Variants in BRCA2 observed in about 807,000 individuals in gnomAD.
BRCA2 encodes the protein breast cancer type 2 susceptibility protein.
A neutral mutation model predicts 276.7 loss-of-function variants in BRCA2; 203 were observed. That is an observed-to-expected ratio of 0.73 (90% CI 0.65 to 0.82). The LOEUF (loss-of-function observed/expected upper bound fraction) is 0.82. Ranked by LOEUF, BRCA2 falls within the 40% of genes least tolerant of loss-of-function variation. The pLI, the probability that BRCA2 is intolerant of heterozygous loss-of-function variation, is 0.00. For synonymous variants in BRCA2, 1,289 were observed against 1,338.4 expected, an observed-to-expected ratio of 0.96 and a Z score of 0.81; for missense variants, 3,920 against 3,915.0, an observed-to-expected ratio of 1.00 and a Z score of -0.03.
chr13:32,358,461 A>T (rs571883397), intron 16 of BRCA2, among the ~76,000 whole-genome samples: 14 of 142,692 alleles, frequency 9.8e-5, no homozygotes, highest in African/African-American at 3.7e-4. Context: ...GGGCGATAAG[A>T]GTGAGACTCC....
intron 24 of BRCA2, among the ~76,000 whole-genome samples, chr13:32,381,402 G>C (rs2072923574): frequency 6.6e-6 from 1 of 152,138 alleles, no homozygotes; most frequent in Non-Finnish European, 1.5e-5. Flanking sequence ...AAGAGAGAGG[G>C]ATGTAATTTT....
Position 32,333,249 on chromosome 13 carries a change from A to C in BRCA2, c.1771A>C (p.Ile591Leu), listed in dbSNP as rs786203548. The C allele has an allele frequency of 6.2e-7, 1 of 1,611,966 alleles. No individual in the cohort carries two copies. The highest frequency in any genetic ancestry group is 1.1e-5 in the South Asian group (1 of 90,704). ...STLKKKTNKF[I>L]YAIHDETSYK... ...TTTGAAAAAGAAAACAAATAAGTTT[A>C]TTTATGCTATACATGATGAAACATC... is the stretch of plus-strand genomic sequence containing the variant. The change falls in exon 10 of 27, where the codon ATT becomes CTT. Residue 591 changes from isoleucine to leucine, a missense_variant. By Grantham distance (5) the Ile-to-Leu change is conservative. Transcript: ENST00000380152.
rs200067487 is a variant in BRCA2, at chr13:32,379,563, A to T, written c.8953+48A>T. ...TTTATCAGTTTTATTAACTTAAAAA[A>T]TGACCTTACTAACAAAATGATTATA... On this transcript the variant is annotated intron_variant, in intron 22 of 26. Transcript: ENST00000380152. 3.2e-6 allele frequency: 5 copies of T among 1,586,952 alleles called. No individual in the cohort carries two copies. In the East Asian group the frequency reaches 1.1e-4, roughly 36 times the overall value.
chr13:32,344,203 A>G (rs1268624730), intron 11 of BRCA2, among the ~76,000 whole-genome samples: 31 of 150,766 alleles, frequency 2.1e-4, no homozygotes, highest in Non-Finnish European at 1.5e-5. Context: ...AGTTTATTTG[A>G]AGAAATTTTG....
chr13:32,366,870 A>AC (rs929528962), intron 18 of BRCA2, among the ~76,000 whole-genome samples: 1 of 45,416 alleles, frequency 2.2e-5, no homozygotes, highest in African/African-American at 6.2e-5. Context: ...AAAAAGAACA[A>AC]AAAAAAAAAA....
chr13:32,373,827 C>T (rs1013277952), intron 20 of BRCA2, among the ~76,000 whole-genome samples: 6 of 152,248 alleles, frequency 3.9e-5, no homozygotes, highest in African/African-American at 1.4e-4. Context: ...GCTCCAACCC[C>T]GTATTTCCCT....
rs80359272 is a variant in BRCA2, at chr13:32,332,734, GT to G, written c.1257del (p.Cys419TrpfsTer11). On this transcript the variant is annotated frameshift_variant, in exon 10 of 27. Coordinates refer to ENST00000380152, the MANE Select transcript of BRCA2 (RefSeq NM_000059.4). LOFTEE classifies it high-confidence loss of function. Reference protein sequence around the residue: ...EKIPLLHISSCDQNISEKDLL... With the variant: ...EKIPLLHISSXDQNISEKDLL... ...ATACCCCTATTGCATATTTCTTCAT[GT>G]GACCAAAATATTTCAGAAAAAGACC... The G allele has an allele frequency of 2.5e-6, 4 of 1,611,548 alleles. No individual in the cohort carries two copies. The highest frequency in any genetic ancestry group is 3.4e-6 in the Non-Finnish European group (4 of 1,179,318).
In BRCA2 at chr13:32,333,078, G is replaced by A. The variant is rs276174810; in HGVS notation, c.1600G>A (p.Glu534Lys). 6 of 1,611,696 alleles carry A rather than the reference G, an allele frequency of 3.7e-6. No homozygotes were observed. The East Asian group carries it at 1.3e-4, about 36-fold the overall frequency. Residue 534 changes from glutamate to lysine, a missense_variant, in exon 10 of 27, where the codon GAA becomes AAA. Transcript: ENST00000380152. ...TGATCCAAACTTTAAAAAAGAAACT[G>A]AAGCCTCTGAAAGTGGACTGGAAAT... ...MTDPNFKKET[E>K]ASESGLEIHT...
In BRCA2 at chr13:32,340,590, G is replaced by C. The variant is rs886037812; in HGVS notation, c.6235G>C (p.Val2079Leu). The C allele has an allele frequency of 6.2e-7, 1 of 1,608,914 alleles. No individual in the cohort carries two copies. The highest frequency in any genetic ancestry group is 1.3e-5 in the African/African-American group (1 of 74,670). Reference protein sequence around the residue: ...LESSLHKVKGVLEEFDLIRTE... With the variant: ...LESSLHKVKGLLEEFDLIRTE... The stretch of plus-strand genomic sequence containing the variant: ...AAGTTCCTTACACAAAGTTAAGGGA[G>C]TGTTAGAGGAATTTGATTTAATCAG... Residue 2079 changes from valine to leucine, a missense_variant, in exon 11 of 27, where the codon GTG (valine) becomes CTG (leucine). Around this residue, in one of 2 missense-constraint regions of BRCA2, gnomAD observed 3,263 missense variants for 3,156.9 expected, o/e 1.03. Coordinates refer to ENST00000380152, the MANE Select transcript of BRCA2 (RefSeq NM_000059.4).
At position 32,332,380 on chromosome 13, in the gene BRCA2, A is replaced by C; in HGVS notation, c.902A>C (p.Asp301Ala). 2 of 1,593,878 alleles carry C rather than the reference A, an allele frequency of 1.3e-6. No individual in the cohort carries two copies. Among genetic ancestry groups the C allele is most frequent in the Non-Finnish European group, 1.7e-6 (2 of 1,169,702 alleles). ...LEDEVYETVVDTSEEDSFSLC... is the reference protein window; with the variant it reads ...LEDEVYETVVATSEEDSFSLC... ...GATGAAGTATATGAAACAGTTGTAG[A>C]TACCTCTGAAGAAGATAGTTTTTCA... is the stretch of plus-strand genomic sequence containing the variant. Residue 301 changes from aspartate to alanine, a missense_variant, in exon 10 of 27, where the codon GAT becomes GCT. Around this residue, in one of 2 missense-constraint regions of BRCA2, gnomAD observed 3,263 missense variants for 3,156.9 expected, o/e 1.03. Coordinates refer to ENST00000380152, the MANE Select transcript of BRCA2 (RefSeq NM_000059.4).
At chr13:32,320,497 C>G (rs2072299451) in intron 3 of BRCA2, among the ~76,000 whole-genome samples, 1 of 152,180 alleles carries the variant, frequency 6.6e-6, no homozygotes, top group East Asian at 1.9e-4. Flanking sequence ...GTTACCTCTA[C>G]CCACAACCTA....
chr13:32,380,076 C>T lies in BRCA2; in HGVS notation c.9187C>T (p.Pro3063Ser), dbSNP rs80359176. 9.9e-6 allele frequency: 16 copies of T among 1,613,896 alleles called. No homozygotes were observed. Among genetic ancestry groups the T allele is most frequent in the Non-Finnish European group, 1.1e-5 (13 of 1,179,954 alleles). ...CCTTCACTTCAGCAAATTTTTAGAT[C>T]CAGACTTTCAGCCATCTTGTTCTGA... is the stretch of plus-strand genomic sequence containing the variant. The part of the protein sequence containing the change: ...EPLHFSKFLD[P>S]DFQPSCSEVD... Residue 3063 changes from proline to serine, a missense_variant, in exon 24 of 27, where the codon CCA becomes TCA. By Grantham distance (74) the Pro-to-Ser change is moderately conservative. Coordinates refer to ENST00000380152, the MANE Select transcript of BRCA2 (RefSeq NM_000059.4).
chr13:32,331,264 C>T (rs1468564840), intron 9 of BRCA2, among the ~76,000 whole-genome samples: 1 of 152,110 alleles, frequency 6.6e-6, no homozygotes, highest in Non-Finnish European at 1.5e-5. Context: ...GTTGGCCAGG[C>T]TGGTCTCAAA....
chr13:32,370,735 G>A (rs1028019168), intron 19 of BRCA2, among the ~76,000 whole-genome samples, 178 bp downstream of exon 19: 1 of 152,158 alleles, frequency 6.6e-6, no homozygotes, highest in Non-Finnish European at 1.5e-5. Flanking sequence ...AGCCTCTCAA[G>A]TAGCTGAGCC....
At chr13:32,330,210 G>A (rs1408541289) in intron 8 of BRCA2, among the ~76,000 whole-genome samples, 1 of 152,146 alleles carries the variant, frequency 6.6e-6, no homozygotes, top group Non-Finnish European at 1.5e-5. Flanking sequence ...ACCTGTTCAT[G>A]TTTTCTACCC....
Position 32,336,712 on chromosome 13 carries a change from C to G in BRCA2, c.2357C>G (p.Ser786Cys), listed in dbSNP as rs80358501. 1 of 1,613,966 alleles carries G rather than the reference C, an allele frequency of 6.2e-7. No individual in the cohort carries two copies. The highest frequency in any genetic ancestry group is 1.1e-5 in the South Asian group (1 of 91,080). The change falls in exon 11 of 27, where the codon TCT becomes TGT. Residue 786 changes from serine (S) to cysteine (C), a missense_variant. By Grantham distance (112) the Ser-to-Cys change is moderately radical. Transcript: ENST00000380152. Reference sequence around the variant, plus strand: ...GTTCTGTCAAACCTAGTCATGATTTCTAGAGGCAAAGAATCATACAAAATG... The same window carrying G: ...GTTCTGTCAAACCTAGTCATGATTTGTAGAGGCAAAGAATCATACAAAATG... The part of the protein sequence containing the change: ...KDVLSNLVMI[S>C]RGKESYKMSD...
intron 12 of BRCA2, 61 bp from the exon 13 acceptor site, chr13:32,346,766 A>G (rs1407361236): frequency 1.4e-6 from 2 of 1,385,558 alleles, no homozygotes; most frequent in Non-Finnish European, 2.0e-6. Context: ...GTGTATTTAC[A>G]GTAACATGGA....
intron 2 of BRCA2, among the ~76,000 whole-genome samples, chr13:32,316,854 AC>A (rs1244406551): frequency 6.6e-6 from 1 of 152,082 alleles, no homozygotes; most frequent in Non-Finnish European, 1.5e-5. Flanking sequence ...ATGATCTAGG[AC>A]CCCCGGAGTG....
chr13:32,345,829 C>T (rs1392765695), intron 12 of BRCA2, among the ~76,000 whole-genome samples: 1 of 151,918 alleles, frequency 6.6e-6, no homozygotes, highest in Non-Finnish European at 1.5e-5. Context: ...CACATGAGGT[C>T]AGATGTGGAA....
Sources: allele counts gnomAD v4.1 joint callset (sites outside exome capture counted in the v4.1 genomes callset), GRCh38; gene constraint gnomAD v4.1.1; regional missense constraint gnomAD v4.1.1; transcripts MANE v1.5; gene names NCBI Gene and HGNC (gene_info 2026-07-23, HGNC 2026-07-21).